The following PCDHB12 variants were observed in gnomAD, a reference collection of about 807,000 sequenced individuals.
PCDHB12 encodes the protein protocadherin beta 12, also known as protocadherin beta-12.
For missense variants in PCDHB12, 1,192 were observed against 998.2 expected (o/e 1.19, Z -2.62); for synonymous variants, 560 against 445.2 (o/e 1.26, Z -3.24).
Position 141,210,453 on chromosome 5 carries a change from C to T in PCDHB12, c.1546C>T (p.Leu516Phe), listed in dbSNP as rs141554375. ...CGCGGACAACGGCCACCTGTTTGCC[C>T]TCAGGTCGCTGGACTACGAGGCCCT... is the stretch of plus-strand genomic sequence containing the variant. ...INADNGHLFA[L>F]RSLDYEALQG... Residue 516 changes from leucine to phenylalanine, a missense_variant, in exon 1 of 1, where the codon CTC (leucine) becomes TTC (phenylalanine). Physicochemically the swap from Leu to Phe is conservative, Grantham distance 22. Coordinates refer to ENST00000239450, the MANE Select transcript of PCDHB12 (RefSeq NM_018932.4). The T allele has an allele frequency of 1.4e-4, 219 of 1,613,002 alleles. No individual in the cohort carries two copies. The African/African-American group carries it at 2.6e-3, about 19-fold the overall frequency.
Position 141,209,441 on chromosome 5 carries a change from C to A in PCDHB12, c.534C>A (p.Phe178Leu), listed in dbSNP as rs1286677357. ...KSYTINPNSH[F>L]HVKIRVNPDN... The stretch of plus-strand genomic sequence containing the variant: ...ACACAATAAATCCGAACTCTCATTT[C>A]CACGTTAAAATAAGAGTCAATCCAG... The change falls in exon 1 of 1, where the codon TTC (phenylalanine) becomes TTA (leucine). Residue 178 changes from phenylalanine to leucine, a missense_variant. Coordinates refer to ENST00000239450, the MANE Select transcript of PCDHB12 (RefSeq NM_018932.4). 3.7e-6 allele frequency: 6 copies of A among 1,614,056 alleles called. No individual in the cohort carries two copies. Among genetic ancestry groups the A allele is most frequent in the Admixed American group, 1.7e-5 (1 of 59,998 alleles).
chr5:141,210,900 G>C lies in PCDHB12; in HGVS notation c.1993G>C (p.Gly665Arg), dbSNP rs781933846. 1 of 1,608,600 alleles carries C rather than the reference G, an allele frequency of 6.2e-7. No homozygotes were observed. Among genetic ancestry groups the C allele is most frequent in the Non-Finnish European group, 8.5e-7 (1 of 1,179,628 alleles). Residue 665 changes from glycine (G) to arginine (R), a missense_variant, in exon 1 of 1, where the codon GGC becomes CGC. Transcript: ENST00000239450. ...TATLHVLLVD[G>R]FSQPYLPLPE... ...CACGCTGCACGTGCTCCTGGTGGAC[G>C]GCTTCTCCCAGCCCTACCTGCCTCT...
At position 141,210,962 on chromosome 5, in the gene PCDHB12, G is replaced by A. The variant is rs543195348; in HGVS notation, c.2055G>A (p.Ser685=). The change falls in exon 1 of 1, where the codon TCG becomes TCA. Residue 685 remains serine (S), a synonymous_variant. Transcript: ENST00000239450. ...CCCCGGCCCAGGCCCAGGCCGACTC[G>A]CTCACTGTCTACCTGGTGGTGGCGT... ...EAAPAQAQAD[S]LTVYLVVALA... The A allele has an allele frequency of 2.4e-5, 39 of 1,611,618 alleles. No individual in the cohort carries two copies. The highest frequency in any genetic ancestry group is 3.2e-5 in the Non-Finnish European group (38 of 1,179,786).
In PCDHB12 at chr5:141,209,641, CT is replaced by C; in HGVS notation, c.739del (p.Tyr247MetfsTer3). The C allele has an allele frequency of 2.5e-6, 4 of 1,614,156 alleles. No homozygotes were observed. Among genetic ancestry groups the C allele is most frequent in the Non-Finnish European group, 3.4e-6 (4 of 1,180,024 alleles). ...INDNSPEFEQ[A>X]FYEVKILENS... ...GACAACTCCCCTGAGTTTGAGCAGG[CT>C]TTTTATGAGGTGAAGATTCTGGAGA... On this transcript the variant is annotated frameshift_variant, in exon 1 of 1. Coordinates refer to ENST00000239450, the MANE Select transcript of PCDHB12 (RefSeq NM_018932.4). LOFTEE classifies it low-confidence loss of function (END_TRUNC).
Position 141,210,282 on chromosome 5 carries a change from T to C in PCDHB12, c.1375T>C (p.Phe459Leu). Reference protein sequence around the residue: ...PAFTQTSYALFVRENNSPALH... With the variant: ...PAFTQTSYALLVRENNSPALH... ...CTTCACCCAAACTTCCTACGCCCTGTTCGTCCGCGAGAACAACAGCCCCGC... is the reference window on the plus strand; with the variant it reads ...CTTCACCCAAACTTCCTACGCCCTGCTCGTCCGCGAGAACAACAGCCCCGC... The change falls in exon 1 of 1, where the codon TTC becomes CTC. Residue 459 changes from phenylalanine (F) to leucine (L), a missense_variant. By Grantham distance (22) the Phe-to-Leu change is conservative. Coordinates refer to ENST00000239450, the MANE Select transcript of PCDHB12 (RefSeq NM_018932.4). 1 of 1,613,948 alleles carries C rather than the reference T, an allele frequency of 6.2e-7. No homozygotes were observed. Among genetic ancestry groups the C allele is most frequent in the Non-Finnish European group, 8.5e-7 (1 of 1,180,040 alleles).
At position 141,210,434 on chromosome 5, in the gene PCDHB12, C is replaced by G; in HGVS notation, c.1527C>G (p.Asp509Glu). 6.2e-7 allele frequency: 1 copy of G among 1,613,098 alleles called. No individual in the cohort carries two copies. The highest frequency in any genetic ancestry group is 1.3e-5 in the African/African-American group (1 of 75,042). Residue 509 changes from aspartate (D) to glutamate (E), a missense_variant, in exon 1 of 1, where the codon GAC becomes GAG. Transcript: ENST00000239450. ...CCTCCCTGGTCTCCATCAACGCGGACAACGGCCACCTGTTTGCCCTCAGGT... is the reference window on the plus strand; with the variant it reads ...CCTCCCTGGTCTCCATCAACGCGGAGAACGGCCACCTGTTTGCCCTCAGGT... ...PLASLVSINA[D>E]NGHLFALRSL...
In PCDHB12 at chr5:141,210,450, G is replaced by A; in HGVS notation, c.1543G>A (p.Ala515Thr). ...CAACGCGGACAACGGCCACCTGTTT[G>A]CCCTCAGGTCGCTGGACTACGAGGC... ...SINADNGHLF[A>T]LRSLDYEALQ... is the part of the protein sequence containing the mutation. The change falls in exon 1 of 1, where the codon GCC becomes ACC. Residue 515 changes from alanine (A) to threonine (T), a missense_variant. Transcript: ENST00000239450. The A allele has an allele frequency of 6.2e-7, 1 of 1,613,004 alleles. No individual in the cohort carries two copies. Among genetic ancestry groups the A allele is most frequent in the Non-Finnish European group, 8.5e-7 (1 of 1,179,920 alleles).
rs782514033 is a variant in PCDHB12 at position 141,211,121 on chromosome 5, C to A, written c.2214C>A (p.Asp738Glu). The A allele has an allele frequency of 3.1e-6, 5 of 1,614,124 alleles. No individual in the cohort carries two copies. Among genetic ancestry groups the A allele is most frequent in the Middle Eastern group, 1.7e-4 (1 of 6,046 alleles). ...GCCCCTTTCCAGGACATCTGGTGGA[C>A]GTGAGTGGCACCGGGACCCTGTCCC... is the stretch of plus-strand genomic sequence containing the variant. ...PEGPFPGHLV[D>E]VSGTGTLSQS... The change falls in exon 1 of 1, where the codon GAC (aspartate) becomes GAA (glutamate). Residue 738 changes from aspartate to glutamate, a missense_variant. Physicochemically the swap from Asp to Glu is conservative, Grantham distance 45. Transcript: ENST00000239450.
chr5:141,210,514 A>G lies in PCDHB12; in HGVS notation c.1607A>G (p.His536Arg), dbSNP rs149275130. Residue 536 changes from histidine (H) to arginine (R), a missense_variant, in exon 1 of 1, where the codon CAC (histidine) becomes CGC (arginine). His to Arg is a conservative substitution (Grantham distance 29). Transcript: ENST00000239450. ...CAGTTCCGCGTGGGCGCCACAGACCACGGCTCCCCGGCTTTGAGCAGCGAG... is the reference window on the plus strand; with the variant it reads ...CAGTTCCGCGTGGGCGCCACAGACCGCGGCTCCCCGGCTTTGAGCAGCGAG... ...GFQFRVGATDHGSPALSSEAL... is the reference protein window; with the variant it reads ...GFQFRVGATDRGSPALSSEAL... The G allele has an allele frequency of 8.7e-5, 140 of 1,612,144 alleles. No homozygotes were observed. Among genetic ancestry groups the G allele is most frequent in the African/African-American group, 1.6e-4 (12 of 75,000 alleles).
In PCDHB12 at chr5:141,212,508, T is replaced by C. The variant is rs1219104081; in HGVS notation, c.*1213T>C. Reference sequence around the variant, plus strand: ...ATATTTAAAATAGGTAATTTTTGCATAGTTGTGTTCTAAATATATTATAAA... The same window carrying C: ...ATATTTAAAATAGGTAATTTTTGCACAGTTGTGTTCTAAATATATTATAAA... On this transcript the variant is annotated 3_prime_UTR_variant, in exon 1 of 1. Transcript: ENST00000239450. 1.3e-5 allele frequency: 2 copies of C among 152,188 alleles called. No homozygotes were observed. Among genetic ancestry groups the C allele is most frequent in the Non-Finnish European group, 2.9e-5 (2 of 67,998 alleles). 9.4% of individuals were successfully genotyped at this position (152,188 alleles called of 1,614,324 possible). A position where few individuals can be genotyped will look rare whatever the true frequency, so the allele number is the denominator to read the frequency against.
chr5:141,210,885 G>T lies in PCDHB12; in HGVS notation c.1978G>T (p.Val660Leu), dbSNP rs1179506439. 3.1e-6 allele frequency: 5 copies of T among 1,607,034 alleles called. No homozygotes were observed. The highest frequency in any genetic ancestry group is 2.7e-5 in the African/African-American group (2 of 74,870). ...PPRSATATLH[V>L]LLVDGFSQPY... Reference sequence around the variant, plus strand: ...GCGCTCGGCCACCGCCACGCTGCACGTGCTCCTGGTGGACGGCTTCTCCCA... The same window carrying T: ...GCGCTCGGCCACCGCCACGCTGCACTTGCTCCTGGTGGACGGCTTCTCCCA... The change falls in exon 1 of 1, where the codon GTG becomes TTG. Residue 660 changes from valine (V) to leucine (L), a missense_variant. By Grantham distance (32) the Val-to-Leu change is conservative. Transcript: ENST00000239450.
In PCDHB12 at chr5:141,210,369, T is replaced by A. The variant is rs1554286927; in HGVS notation, c.1462T>A (p.Tyr488Asn). ...RDSGTNAQVN[Y>N]SLLPSQDPHL... ...CTCGGGCACCAACGCCCAGGTCAAC[T>A]ACTCGCTGCTGCCGTCCCAGGACCC... The change falls in exon 1 of 1, where the codon TAC becomes AAC. Residue 488 changes from tyrosine (Y) to asparagine (N), a missense_variant. Tyr to Asn is a moderately radical substitution (Grantham distance 143, BLOSUM62 -2). Coordinates refer to ENST00000239450, the MANE Select transcript of PCDHB12 (RefSeq NM_018932.4). The A allele has an allele frequency of 3.7e-6, 6 of 1,612,898 alleles. No homozygotes were observed. The highest frequency in any genetic ancestry group is 4.2e-6 in the Non-Finnish European group (5 of 1,180,052).
In PCDHB12 at chr5:141,210,599, G is replaced by T. The variant is rs17844602; in HGVS notation, c.1692G>T (p.Pro564=). The change falls in exon 1 of 1, where the codon CCG becomes CCT. Residue 564 remains proline, a synonymous_variant. Transcript: ENST00000239450. The stretch of plus-strand genomic sequence containing the variant: ...ACAACTCGCCCTTCGTGCTGTACCC[G>T]CTGCAGAACGGCTCCGCGCCCTGCA... The part of the protein sequence containing the change: ...ANDNSPFVLY[P]LQNGSAPCTE... 1,001 of 1,611,462 alleles carry T rather than the reference G, an allele frequency of 6.2e-4. 12 individuals carry two copies. The East Asian group carries it at 0.02, about 32-fold the overall frequency.
rs1554287333 is a variant in PCDHB12, at chr5:141,212,301, T to G, written c.*1006T>G. 6.3e-6 allele frequency: 1 copy of G among 158,876 alleles called. No homozygotes were observed. The highest frequency in any genetic ancestry group is 6.5e-5 in the Admixed American group (1 of 15,280). The allele number at this position is 158,876 out of a possible 1,614,324, so 9.8% of individuals were successfully genotyped here. A position where few individuals can be genotyped will look rare whatever the true frequency, so the allele number is the denominator to read the frequency against. On this transcript the variant is annotated 3_prime_UTR_variant, in exon 1 of 1. Transcript: ENST00000239450. The stretch of plus-strand genomic sequence containing the variant: ...TACATTTGTAATATATTTTCCTGAT[T>G]TGAGAGTTTGTTTTTAGCAGTTTTT...
chr5:141,208,952 G>T lies in PCDHB12; in HGVS notation c.45G>T (p.Leu15=). Residue 15 remains leucine (L), a synonymous_variant, in exon 1 of 1, where the codon CTG becomes CTT. Coordinates refer to ENST00000239450, the MANE Select transcript of PCDHB12 (RefSeq NM_018932.4). ...GCACTCTGCAGATAAGGCAAGTCCT[G>T]CTTTTCTTTGTTTTGCTGGGAATGT... ...GAGTLQIRQV[L]LFFVLLGMSQ... The T allele has an allele frequency of 1.9e-6, 3 of 1,553,994 alleles. No individual in the cohort carries two copies. The highest frequency in any genetic ancestry group is 2.6e-6 in the Non-Finnish European group (3 of 1,154,818).
At position 141,210,461 on chromosome 5, in the gene PCDHB12, G is replaced by A; in HGVS notation, c.1554G>A (p.Ser518=). Residue 518 remains serine, a synonymous_variant, in exon 1 of 1, where the codon TCG becomes TCA. Transcript: ENST00000239450. ...ADNGHLFALR[S]LDYEALQGFQ... ...ACGGCCACCTGTTTGCCCTCAGGTC[G>A]CTGGACTACGAGGCCCTGCAGGGGT... The A allele has an allele frequency of 6.2e-7, 1 of 1,612,910 alleles. No individual in the cohort carries two copies. The highest frequency in any genetic ancestry group is 8.5e-7 in the Non-Finnish European group (1 of 1,179,892).
rs200772698 is a variant in PCDHB12 at position 141,209,724 on chromosome 5, A to G, written c.817A>G (p.Thr273Ala). The change falls in exon 1 of 1, where the codon ACA becomes GCA. Residue 273 changes from threonine to alanine, a missense_variant. Coordinates refer to ENST00000239450, the MANE Select transcript of PCDHB12 (RefSeq NM_018932.4). ...CTCAGCCTGGGATTTAGACTCTGGA[A>G]CAAACAGTGAACTATCCTATACCTT... ...TVSAWDLDSG[T>A]NSELSYTFSH... The G allele has an allele frequency of 1.2e-5, 19 of 1,614,220 alleles. No homozygotes were observed. The highest frequency in any genetic ancestry group is 1.6e-5 in the Non-Finnish European group (19 of 1,180,040).
rs1554286740 is a variant in PCDHB12 at position 141,209,763 on chromosome 5, G to A, written c.856G>A (p.Glu286Lys). 1.2e-6 allele frequency: 2 copies of A among 1,614,216 alleles called. No homozygotes were observed. Among genetic ancestry groups the A allele is most frequent in the East Asian group, 2.2e-5 (1 of 44,886 alleles). ...ELSYTFSHASEDIRKTFEINQ... is the reference protein window; with the variant it reads ...ELSYTFSHASKDIRKTFEINQ... ...ATCCTATACCTTTTCCCATGCCTCAGAAGATATTCGCAAGACATTTGAAAT... is the reference window on the plus strand; with the variant it reads ...ATCCTATACCTTTTCCCATGCCTCAAAAGATATTCGCAAGACATTTGAAAT... The change falls in exon 1 of 1, where the codon GAA becomes AAA. Residue 286 changes from glutamate to lysine, a missense_variant. Coordinates refer to ENST00000239450, the MANE Select transcript of PCDHB12 (RefSeq NM_018932.4).
At position 141,209,702 on chromosome 5, in the gene PCDHB12, A is replaced by G. The variant is rs1554286717; in HGVS notation, c.795A>G (p.Ser265=). The change falls in exon 1 of 1, where the codon TCA becomes TCG. Residue 265 remains serine, a synonymous_variant. Coordinates refer to ENST00000239450, the MANE Select transcript of PCDHB12 (RefSeq NM_018932.4). The part of the protein sequence containing the change: ...SILGSLVVTV[S]AWDLDSGTNS... Reference sequence around the variant, plus strand: ...TTGGCTCCCTGGTTGTGACCGTCTCAGCCTGGGATTTAGACTCTGGAACAA... The same window carrying G: ...TTGGCTCCCTGGTTGTGACCGTCTCGGCCTGGGATTTAGACTCTGGAACAA... The G allele has an allele frequency of 6.2e-7, 1 of 1,614,234 alleles. No individual in the cohort carries two copies. The highest frequency in any genetic ancestry group is 8.5e-7 in the Non-Finnish European group (1 of 1,180,044).
Sources: gnomAD v4.1 joint callset for allele counts on GRCh38, gnomAD v4.1.1 for gene constraint, MANE v1.5 for transcripts, NCBI Gene and HGNC (gene_info 2026-07-23, HGNC 2026-07-21) for gene names.